Variants in DCLK1 observed in about 807,000 individuals in gnomAD.
DCLK1 encodes the protein doublecortin like kinase 1.
In DCLK1, 16 loss-of-function variants were observed where a neutral mutation model predicts 86.2. That is an observed-to-expected ratio of 0.19 (90% CI 0.13 to 0.28). The LOEUF is 0.28. DCLK1 is among the 10% of genes least tolerant of loss of function. The pLI is 1.00. For missense variants in DCLK1, 590 were observed against 940.2 expected (o/e 0.63, Z 4.87); for synonymous variants, 369 against 370.5 (o/e 1.00, Z 0.05).
intron 8 of DCLK1, among the ~76,000 whole-genome samples, chr13:35,830,004 G>A (rs187739080): frequency 1.3e-5 from 2 of 152,326 alleles, no homozygotes; most frequent in East Asian, 1.9e-4. Flanking sequence ...TGTGCTAGAT[G>A]TTCCCACATA....
At chr13:35,997,745 C>G (rs1194914893) in intron 3 of DCLK1, among the ~76,000 whole-genome samples, 1 of 152,176 alleles carries the variant, frequency 6.6e-6, no homozygotes, top group Admixed American at 6.5e-5. Flanking sequence ...AAAAAACCAA[C>G]CAAACAGCAA....
chr13:35,898,562 A>C (rs1398409289), intron 4 of DCLK1, among the ~76,000 whole-genome samples: 1 of 152,230 alleles, frequency 6.6e-6, no homozygotes, highest in Non-Finnish European at 1.5e-5. Flanking sequence ...AAGGAAAAAA[A>C]TTCAGTACCA....
chr13:35,878,390 G>T (rs886955934), intron 4 of DCLK1, among the ~76,000 whole-genome samples: 2 of 152,040 alleles, frequency 1.3e-5, no homozygotes, highest in African/African-American at 4.8e-5. Flanking sequence ...ACCATGGTAA[G>T]ACTCCCATCC....
intron 3 of DCLK1, among the ~76,000 whole-genome samples, chr13:36,014,070 G>A (rs927813076): frequency 4.2e-4 from 64 of 152,286 alleles, no homozygotes; most frequent in Admixed American, 1.2e-3. Context: ...TTCGGCTCGC[G>A]CACGGTGCGC....
At chr13:35,904,471 C>T (rs1874568362) in intron 4 of DCLK1, among the ~76,000 whole-genome samples, 1 of 152,212 alleles carries the variant, frequency 6.6e-6, no homozygotes. Flanking sequence ...AGATTACAGG[C>T]ATAAGCCACT....
intron 16 of DCLK1, among the ~76,000 whole-genome samples, chr13:35,784,751 A>G (rs11617417): frequency 0.35 from 52,612 of 151,900 alleles, 11,157 homozygotes; most frequent in African/African-American, 0.59. Flanking sequence ...CCCCGGGGAC[A>G]GCGTTCTCAC....
intron 5 of DCLK1, among the ~76,000 whole-genome samples, chr13:35,864,653 TC>T (rs869290452): frequency 2.4e-4 from 31 of 127,660 alleles, no homozygotes; most frequent in African/African-American, 6.6e-4. Context: ...TTTTCTTCTC[TC>T]TTTTTTTTTT....
intron 2 of DCLK1, among the ~76,000 whole-genome samples, chr13:36,124,284 T>G (rs1389043591): frequency 6.6e-6 from 1 of 152,200 alleles, no homozygotes; most frequent in Non-Finnish European, 1.5e-5. Context: ...AAATTAAAGC[T>G]GAAACAGTAA....
At chr13:35,803,222 C>A (rs1283414158) in intron 15 of DCLK1, among the ~76,000 whole-genome samples, 1 of 152,114 alleles carries the variant, frequency 6.6e-6, no homozygotes, top group African/African-American at 2.4e-5. Context: ...AAAATGGGTA[C>A]AATAATACCC....
At chr13:36,124,577 T>C (rs1265479941) in intron 2 of DCLK1, among the ~76,000 whole-genome samples, 1 of 152,184 alleles carries the variant, frequency 6.6e-6, no homozygotes, top group East Asian at 1.9e-4. Flanking sequence ...GAGGGCTCTG[T>C]CAGTGTGCGG....
At chr13:35,922,465 G>T (rs889968672) in intron 4 of DCLK1, among the ~76,000 whole-genome samples, 2 of 152,152 alleles carry the variant, frequency 1.3e-5, no homozygotes, top group Non-Finnish European at 1.5e-5. Context: ...ACAGCATAGA[G>T]CATTGGCGGA....
At chr13:35,801,569 G>A (rs572864890) in intron 15 of DCLK1, among the ~76,000 whole-genome samples, 1 of 151,886 alleles carries the variant, frequency 6.6e-6, no homozygotes, top group South Asian at 2.1e-4. Context: ...TTTAGAAAAT[G>A]CCTGTAGGAA....
chr13:36,059,539 G>C (rs560524815), intron 3 of DCLK1, among the ~76,000 whole-genome samples: 1 of 152,224 alleles, frequency 6.6e-6, no homozygotes, highest in South Asian at 2.1e-4. Flanking sequence ...CCAGCATCAG[G>C]GGAAAGAAAT....
chr13:36,078,280 C>T (rs1227601180), intron 3 of DCLK1, among the ~76,000 whole-genome samples: 4 of 152,168 alleles, frequency 2.6e-5, no homozygotes, highest in Admixed American at 6.5e-5. Flanking sequence ...GCTGTTTAAG[C>T]CACCCAGTCT....
chr13:35,901,356 GGCAGGT>G (rs1874344118), intron 4 of DCLK1, among the ~76,000 whole-genome samples: 1 of 151,940 alleles, frequency 6.6e-6, no homozygotes, highest in Admixed American at 6.6e-5. Flanking sequence ...TGGGTATGGT[GGCAGGT>G]GCCTGTAGTC....
chr13:36,100,489 A>G (rs1464746881), intron 3 of DCLK1, among the ~76,000 whole-genome samples: 3 of 152,138 alleles, frequency 2.0e-5, no homozygotes, highest in African/African-American at 7.2e-5. Flanking sequence ...TATGTCAGTA[A>G]TTTTACTCTT....
At chr13:36,001,776 T>C (rs1385460370) in intron 3 of DCLK1, among the ~76,000 whole-genome samples, 1 of 150,634 alleles carries the variant, frequency 6.6e-6, no homozygotes, top group Non-Finnish European at 1.5e-5. Context: ...TGGTGGGTAA[T>C]TTTTTTTTTC....
chr13:35,977,324 C>T (rs1336177603), intron 3 of DCLK1, among the ~76,000 whole-genome samples: 19 of 152,204 alleles, frequency 1.2e-4, no homozygotes, highest in Middle Eastern at 3.4e-3. Flanking sequence ...TGCATTTCTG[C>T]GCTCCTTCCT....
intron 3 of DCLK1, among the ~76,000 whole-genome samples, chr13:36,038,084 T>C (rs1394811632): frequency 6.6e-6 from 1 of 152,166 alleles, no homozygotes; most frequent in Non-Finnish European, 1.5e-5. Flanking sequence ...CAGTAATTTA[T>C]TGAATCCAAG....
Sources: gnomAD v4.1 joint callset for allele counts (sites outside exome capture counted in the v4.1 genomes callset) on GRCh38, gnomAD v4.1.1 for gene constraint, MANE v1.5 for transcripts, NCBI Gene and HGNC (gene_info 2026-07-23, HGNC 2026-07-21) for gene names.